Variants in ASCL5 observed in about 807,000 individuals in gnomAD.
ASCL5 encodes achaete-scute homolog 5.
For missense variants in ASCL5, 262 were observed against 268.9 expected (o/e 0.97, Z 0.18); for synonymous variants, 124 against 131.5 (o/e 0.94, Z 0.39).
rs963357036 is a variant in ASCL5 at position 201,122,014 on chromosome 1, A to G, written c.-506+5070T>C. 3.3e-5 allele frequency among the ~76,000 whole-genome samples: 5 copies of G among 152,212 alleles called. No individual in the cohort carries two copies. The East Asian group carries it at 9.6e-4, about 29-fold the overall frequency. On this transcript the variant is annotated intron_variant, in intron 1 of 1. Transcript: ENST00000449188. ...CAATCCTTTCAGAATCTTGACGGGTATAGTTTCAACACTGATGGGAGAAGG... is the reference window on the plus strand; with the variant it reads ...CAATCCTTTCAGAATCTTGACGGGTGTAGTTTCAACACTGATGGGAGAAGG...
chr1:201,119,177 G>A (rs1464615559), intron 1 of ASCL5, among the ~76,000 whole-genome samples: 4 of 152,200 alleles, frequency 2.6e-5, no homozygotes, highest in Non-Finnish European at 4.4e-5. Flanking sequence ...AGGTCACCCC[G>A]GTCATCTTTT....
At chr1:201,116,656 T>A (rs937046609) in intron 1 of ASCL5, among the ~76,000 whole-genome samples, 1 of 152,174 alleles carries the variant, frequency 6.6e-6, no homozygotes, top group African/African-American at 2.4e-5. Context: ...TTTAGGAAGT[T>A]GTTATTTCAG....
At chr1:201,126,198 C>T (rs113090127) in intron 1 of ASCL5, among the ~76,000 whole-genome samples, 19 of 151,850 alleles carry the variant, frequency 1.3e-4, no homozygotes, top group African/African-American at 4.1e-4. Context: ...AGCAGTGGGA[C>T]GATCATAGCT....
At chr1:201,123,397 G>A (rs890734248) in intron 1 of ASCL5, among the ~76,000 whole-genome samples, 2 of 152,140 alleles carry the variant, frequency 1.3e-5, no homozygotes, top group Non-Finnish European at 2.9e-5. Context: ...GAAGAAAAAA[G>A]GACTGCATCT....
At position 201,124,134 on chromosome 1, in the gene ASCL5, A is replaced by G. The variant is rs147593990; in HGVS notation, c.-506+2950T>C. The stretch of plus-strand genomic sequence containing the variant: ...TTAATTTCAAAGAAGACAAAGAGGA[A>G]GGAAAATCATCCTATAGACACAGTG... On this transcript the variant is annotated intron_variant, in intron 1 of 1. Transcript: ENST00000449188. Among the ~76,000 whole-genome samples the G allele has an allele frequency of 4.3e-3, 658 of 152,374 alleles. 22 individuals are homozygous for G. Among genetic ancestry groups the G allele is most frequent in the Admixed American group, 0.04 (619 of 15,306 alleles).
At chr1:201,121,088 G>A (rs1018625095) in intron 1 of ASCL5, among the ~76,000 whole-genome samples, 7 of 152,156 alleles carry the variant, frequency 4.6e-5, no homozygotes, top group Non-Finnish European at 1.0e-4. Flanking sequence ...GCAGCTCCCC[G>A]CATTTCCCTC....
At chr1:201,125,223 C>T (rs924513530) in intron 1 of ASCL5, among the ~76,000 whole-genome samples, 3 of 152,216 alleles carry the variant, frequency 2.0e-5, no homozygotes, top group Non-Finnish European at 2.9e-5. Flanking sequence ...TGAAAACACG[C>T]TGGCACGCTT....
Position 201,114,931 on chromosome 1 carries a change from G to C in ASCL5, c.442C>G (p.Pro148Ala). 8.1e-7 allele frequency: 1 copy of C among 1,230,924 alleles called. No homozygotes were observed. The highest frequency in any genetic ancestry group is 1.0e-6 in the Non-Finnish European group (1 of 987,428). The allele number at this position is 1,230,924 out of a possible 1,614,324, so 76.3% of individuals were successfully genotyped here. The change falls in exon 2 of 2, where the codon CCC becomes GCC. Residue 148 changes from proline to alanine, a missense_variant. Physicochemically the swap from Pro to Ala is conservative, Grantham distance 27. Coordinates refer to ENST00000449188, the MANE Select transcript of ASCL5 (RefSeq NM_001270601.2). Reference sequence around the variant, plus strand: ...CCCGGGAGGCCGCGGGAAGCGGGGGGCGTCGAGCCGTCGGGGGCCGAGCTC... The same window carrying C: ...CCCGGGAGGCCGCGGGAAGCGGGGGCCGTCGAGCCGTCGGGGGCCGAGCTC... Reference protein sequence around the residue: ...LLSSAPDGSTPPASRGLPGTG... With the variant: ...LLSSAPDGSTAPASRGLPGTG...
Position 201,114,369 on chromosome 1 carries a change from A to C in ASCL5, c.*383T>G. The C allele has an allele frequency of 5.6e-6, 1 of 178,606 alleles. No homozygotes were observed. 11.1% of individuals were successfully genotyped at this position (178,606 alleles called of 1,614,324 possible). On this transcript the variant is annotated 3_prime_UTR_variant, in exon 2 of 2. Transcript: ENST00000449188. ...TCGGGCTCGCATCCCGGGGACTCGC[A>C]GAGACTGGACTGCGCCTGCGGCAAG...
At chr1:201,125,502 GTCTT>G (rs1330415877) in intron 1 of ASCL5, among the ~76,000 whole-genome samples, 4 of 151,958 alleles carry the variant, frequency 2.6e-5, no homozygotes, top group Non-Finnish European at 4.4e-5. Context: ...AGCTGTTTGG[GTCTT>G]TCTTTGTCCA....
rs1026336118 is a variant in ASCL5, at chr1:201,114,550, C to T, written c.*202G>A. 3 of 409,258 alleles carry T rather than the reference C, an allele frequency of 7.3e-6. No individual in the cohort carries two copies. The highest frequency in any genetic ancestry group is 1.2e-5 in the Non-Finnish European group (3 of 242,470). The allele number at this position is 409,258 out of a possible 1,614,324, so 25.4% of individuals were successfully genotyped here. A position where few individuals can be genotyped will look rare whatever the true frequency, so the allele number is the denominator to read the frequency against. On this transcript the variant is annotated 3_prime_UTR_variant, in exon 2 of 2. Coordinates refer to ENST00000449188, the MANE Select transcript of ASCL5 (RefSeq NM_001270601.2). ...ACCCACGGAGCTCCTAGGTCTCTAT[C>T]GTGCCCATCGTACCCGCTGCCCTGC...
chr1:201,118,584 A>T (rs1045596729), intron 1 of ASCL5, among the ~76,000 whole-genome samples: 1 of 152,120 alleles, frequency 6.6e-6, no homozygotes, highest in Non-Finnish European at 1.5e-5. Flanking sequence ...ATCACTGAAT[A>T]CCAGAAGCTG....
intron 1 of ASCL5, among the ~76,000 whole-genome samples, chr1:201,125,575 C>T (rs1274307324): frequency 6.6e-6 from 1 of 152,154 alleles, no homozygotes; most frequent in Non-Finnish European, 1.5e-5. Context: ...AATCCTAAAG[C>T]CTTGGTGCGT....
intron 1 of ASCL5, among the ~76,000 whole-genome samples, chr1:201,122,445 G>A (rs186838839): frequency 2.0e-3 from 303 of 152,244 alleles, no homozygotes; most frequent in South Asian, 3.9e-3. Flanking sequence ...GGTGCTTTGC[G>A]GCGTGCTCTG....
chr1:201,119,505 C>T (rs1282207711), intron 1 of ASCL5, among the ~76,000 whole-genome samples: 2 of 152,148 alleles, frequency 1.3e-5, no homozygotes, highest in Non-Finnish European at 2.9e-5. Context: ...CCTGTGACAG[C>T]TCCCTTTGGG....
At chr1:201,117,433 T>TA (rs1052256840) in intron 1 of ASCL5, among the ~76,000 whole-genome samples, 63 of 146,698 alleles carry the variant, frequency 4.3e-4, no homozygotes, top group African/African-American at 5.5e-4. Context: ...AAGACTCCAT[T>TA]AAAAAAAAAA....
In ASCL5 at chr1:201,115,136, G is replaced by A. The variant is rs905050562; in HGVS notation, c.237C>T (p.Pro79=). Reference sequence around the variant, plus strand: ...GCTTCTGGATGAAGGCTGGCTCGAAGGGGTATTCGTAGACCCCGAAGGCGC... The same window carrying A: ...GCTTCTGGATGAAGGCTGGCTCGAAAGGGTATTCGTAGACCCCGAAGGCGC... ...FPGAFGVYEY[P]FEPAFIQKRN... Residue 79 remains proline, a synonymous_variant, in exon 2 of 2, where the codon CCC becomes CCT. Transcript: ENST00000449188. 9.7e-5 allele frequency: 119 copies of A among 1,231,678 alleles called. No individual in the cohort carries two copies. Among genetic ancestry groups the A allele is most frequent in the Non-Finnish European group, 1.1e-4 (109 of 988,020 alleles). The allele number at this position is 1,231,678 out of a possible 1,614,324, so 76.3% of individuals were successfully genotyped here.
chr1:201,122,669 G>A (rs1346214469), intron 1 of ASCL5, among the ~76,000 whole-genome samples: 1 of 152,096 alleles, frequency 6.6e-6, no homozygotes, highest in African/African-American at 2.4e-5. Flanking sequence ...AGGATCTCCT[G>A]GGGGTGGAGC....
intron 1 of ASCL5, among the ~76,000 whole-genome samples, chr1:201,122,894 T>C (rs531800384): frequency 6.2e-4 from 94 of 152,294 alleles, no homozygotes; most frequent in African/African-American, 2.2e-3. Flanking sequence ...TGTTGCCTCA[T>C]CTGAAAAGTG....
Sources: gnomAD v4.1 joint callset for allele counts (sites outside exome capture counted in the v4.1 genomes callset) on GRCh38, gnomAD v4.1.1 for gene constraint, MANE v1.5 for transcripts, NCBI Gene and HGNC (gene_info 2026-07-23, HGNC 2026-07-21) for gene names.